SLC4A4: variants seen among roughly 807,000 people sequenced by gnomAD.
SLC4A4 encodes solute carrier family 4 member 4.
SLC4A4 carries 27 observed loss-of-function variants against 111.5 expected under a neutral mutation model. The observed-to-expected ratio is 0.24, with a 90% CI of 0.18 to 0.33. The LOEUF is 0.33. Among genes scored for constraint, SLC4A4 ranks in the 10% least tolerant of loss-of-function variants. The pLI is 1.00. For missense variants in SLC4A4, 909 were observed against 1,315.5 expected, an observed-to-expected ratio of 0.69 and a Z score of 4.78; for synonymous variants, 443 against 463.4, an observed-to-expected ratio of 0.96 and a Z score of 0.57.
At chr4:71,223,236 C>T (rs1010100331) in intron 1 of SLC4A4, among the ~76,000 whole-genome samples, 1 of 151,210 alleles carries the variant, frequency 6.6e-6, no homozygotes, top group African/African-American at 2.4e-5. Flanking sequence ...AGTGCAGTGG[C>T]GCGATCTCAG....
intron 16 of SLC4A4, among the ~76,000 whole-genome samples, chr4:71,523,078 G>T (rs1733101493): frequency 6.6e-6 from 1 of 151,994 alleles, no homozygotes; most frequent in Non-Finnish European, 1.5e-5. Context: ...CCCCATTCTG[G>T]TTTCTTTTGC....
intron 13 of SLC4A4, among the ~76,000 whole-genome samples, chr4:71,471,400 G>C (rs1727855100): frequency 6.6e-6 from 1 of 151,968 alleles, no homozygotes; most frequent in African/African-American, 2.4e-5. Context: ...ATAGATATCA[G>C]TAAGGATATC....
intron 2 of SLC4A4, among the ~76,000 whole-genome samples, chr4:71,144,875 C>A (rs572625730): frequency 6.6e-6 from 1 of 152,244 alleles, no homozygotes; most frequent in Non-Finnish European, 1.5e-5. Flanking sequence ...TCTAGATATA[C>A]AATCATGTCA....
chr4:71,366,315 T>TTGTGTGTGTGTGTGTGTGTGTG (rs71673473), intron 6 of SLC4A4, among the ~76,000 whole-genome samples: 5 of 137,914 alleles, frequency 3.6e-5, no homozygotes, highest in East Asian at 2.1e-4. Flanking sequence ...TCTGGAGATA[T>TTGTGTGTGTGTGTGTGTGTGTG]TGTGTGTGTG....
At position 71,100,345 on chromosome 4, in the gene SLC4A4, CA is replaced by C. The variant is rs71673457; in HGVS notation, c.-2+7563del. ...TTCATCACATAAACAGAATTAAAGACAAAAAAAAAACACATGATTATCTCAA... is the reference window on the plus strand; with the variant it reads ...TTCATCACATAAACAGAATTAAAGACAAAAAAAAACACATGATTATCTCAA... On this transcript the variant is annotated intron_variant, in intron 2 of 26. Transcript: ENST00000649996. Among the ~76,000 whole-genome samples the C allele has an allele frequency of 2.2e-3, 321 of 145,142 alleles. 4 individuals carry two copies. The South Asian group carries it at 0.033, about 15-fold the overall frequency.
Position 71,350,079 on chromosome 4 carries a change from A to G in SLC4A4, c.550+7A>G, listed in dbSNP as rs370569246. 5.0e-6 allele frequency: 8 copies of G among 1,613,850 alleles called. No homozygotes were observed. The East Asian group carries it at 6.7e-5, about 13-fold the overall frequency. On this transcript the variant is annotated splice_region_variant and intron_variant, in intron 5 of 25. Coordinates refer to ENST00000264485, the MANE Select transcript of SLC4A4 (RefSeq NM_001098484.3). ...TCTCTCCCACAGTTGGTGGGTAAGT[A>G]TGCTGTTTGAATTTTATCCTATTTT...
chr4:71,515,334 A>G (rs1311425080), intron 16 of SLC4A4, among the ~76,000 whole-genome samples: 1 of 152,094 alleles, frequency 6.6e-6, no homozygotes, highest in African/African-American at 2.4e-5. Flanking sequence ...TGGTCTGAGA[A>G]TATAGTTGAT....
intron 2 of SLC4A4, among the ~76,000 whole-genome samples, chr4:71,127,044 A>G (rs918449288): frequency 1.3e-5 from 2 of 152,170 alleles, no homozygotes; most frequent in Non-Finnish European, 2.9e-5. Context: ...CTAAACCCAA[A>G]CTAAATATAT....
At chr4:71,437,011 G>T in intron 7 of SLC4A4, 2 of 362,160 alleles carry the variant, frequency 5.5e-6, no homozygotes, top group South Asian at 2.2e-5. Flanking sequence ...TGTTAAATCA[G>T]CTACAGATAG....
intron 18 of SLC4A4, among the ~76,000 whole-genome samples, chr4:71,539,415 T>G (rs7693843): frequency 0.72 from 109,551 of 151,912 alleles, 39,763 homozygotes; most frequent in Admixed American, 0.76. Flanking sequence ...TTTGCCAGAG[T>G]ACCACGACCT....
intron 1 of SLC4A4, among the ~76,000 whole-genome samples, chr4:71,223,479 T>C (rs921915294): frequency 1.3e-5 from 2 of 152,194 alleles, no homozygotes; most frequent in Non-Finnish European, 2.9e-5. Flanking sequence ...GACATTCTTT[T>C]ATTTGAGATG....
intron 13 of SLC4A4, among the ~76,000 whole-genome samples, chr4:71,470,722 C>G (rs770359680): frequency 2.6e-4 from 39 of 151,978 alleles, no homozygotes; most frequent in Non-Finnish European, 5.3e-4. Flanking sequence ...TAGAGGCTGA[C>G]AAGGCTGACA....
chr4:71,115,044 G>A (rs1372931646), intron 2 of SLC4A4, among the ~76,000 whole-genome samples: 239 of 146,240 alleles, frequency 1.6e-3, no homozygotes, highest in Middle Eastern at 0.01. Flanking sequence ...TAGGGACATG[G>A]ATGAAACTGG....
chr4:71,379,882 T>C (rs1352096539), intron 6 of SLC4A4, among the ~76,000 whole-genome samples: 1 of 152,096 alleles, frequency 6.6e-6, no homozygotes, highest in Admixed American at 6.6e-5. Context: ...GGGCCACAAA[T>C]TGTGATTCCT....
At chr4:71,430,620 T>C (rs950544423) in intron 7 of SLC4A4, among the ~76,000 whole-genome samples, 6 of 152,266 alleles carry the variant, frequency 3.9e-5, no homozygotes, top group African/African-American at 1.4e-4. Context: ...GAAGAATTCT[T>C]GGTGAGTTCA....
intron 2 of SLC4A4, among the ~76,000 whole-genome samples, chr4:71,114,359 T>G (rs1010924179): frequency 2.0e-5 from 3 of 151,294 alleles, no homozygotes; most frequent in Admixed American, 2.0e-4. Context: ...CTAAAGAGCT[T>G]CTGCACAGCA....
At chr4:71,549,947 A>T (rs560974789) in intron 20 of SLC4A4, among the ~76,000 whole-genome samples, 6 of 152,028 alleles carry the variant, frequency 3.9e-5, no homozygotes, top group South Asian at 4.1e-4. Flanking sequence ...GAAAGAAGGC[A>T]GAGAGCTGTA....
chr4:71,493,372 T>C (rs956999192), intron 15 of SLC4A4, among the ~76,000 whole-genome samples: 1 of 152,000 alleles, frequency 6.6e-6, no homozygotes, highest in Non-Finnish European at 1.5e-5. Context: ...GTCCTCCAGA[T>C]AAAAAGAGTA....
chr4:71,079,202 G>A (rs1370181567), intron 1 of SLC4A4, among the ~76,000 whole-genome samples: 1 of 152,068 alleles, frequency 6.6e-6, no homozygotes, highest in Non-Finnish European at 1.5e-5. Flanking sequence ...TGCTTCTCTG[G>A]CCAGGCTGTG....
Sources: gnomAD v4.1 joint callset for allele counts (sites outside exome capture counted in the v4.1 genomes callset) on GRCh38, gnomAD v4.1.1 for gene constraint, MANE v1.5 for transcripts, NCBI Gene and HGNC (gene_info 2026-07-23, HGNC 2026-07-21) for gene names.